The following FARP1 variants were observed in gnomAD, a reference collection of about 807,000 sequenced individuals.
FARP1 encodes FERM, ARHGEF and pleckstrin domain-containing protein 1.
FARP1 carries 52 observed loss-of-function variants against 128.8 expected under a neutral mutation model. That is an observed-to-expected ratio of 0.40 (90% CI 0.32 to 0.51). The LOEUF is 0.51. Ranked by LOEUF, FARP1 falls within the 20% of genes least tolerant of loss-of-function variation. FARP1 has a pLI of 0.45. For missense variants in FARP1, 1,333 were observed against 1,367.9 expected (o/e 0.97, Z 0.40); for synonymous variants, 580 against 551.8 (o/e 1.05, Z -0.72).
intron 1 of FARP1, among the ~76,000 whole-genome samples, chr13:98,145,501 T>A (rs562147568): frequency 1.3e-5 from 2 of 152,342 alleles, no homozygotes; most frequent in East Asian, 3.9e-4. Context: ...TACTGGGTTA[T>A]TGCATTCACC....
At chr13:98,304,194 A>G (rs1021784187) in intron 2 of FARP1, among the ~76,000 whole-genome samples, 2 of 152,088 alleles carry the variant, frequency 1.3e-5, no homozygotes, top group African/African-American at 4.8e-5. Flanking sequence ...CTCCAGCAGA[A>G]GGGTCTGCTG....
Position 98,385,700 on chromosome 13 carries a change from C to G in FARP1, c.645C>G (p.Leu215=). Residue 215 remains leucine, a synonymous_variant, in exon 8 of 27, where the codon CTC becomes CTG. Coordinates refer to ENST00000319562, the MANE Select transcript of FARP1 (RefSeq NM_005766.4). ...CACCAGCAGAATCAGATTTCCAGCT[C>G]CTAGAGATTGCCCGTCGGCTAGAGA... ...GQTPAESDFQ[L]LEIARRLEMY... is the part of the protein sequence containing the mutation. The G allele has an allele frequency of 6.2e-7, 1 of 1,614,196 alleles. No individual in the cohort carries two copies. Among genetic ancestry groups the G allele is most frequent in the Non-Finnish European group, 8.5e-7 (1 of 1,180,036 alleles).
At chr13:98,209,120 TGCCTCA>T (rs1880492026) in intron 1 of FARP1, among the ~76,000 whole-genome samples, 1 of 152,188 alleles carries the variant, frequency 6.6e-6, no homozygotes, top group Admixed American at 6.5e-5. Flanking sequence ...GCCATTCTCC[TGCCTCA>T]GCCTCCCGAG....
At chr13:98,361,874 G>T (rs371357601) in intron 3 of FARP1, among the ~76,000 whole-genome samples, 1 of 152,074 alleles carries the variant, frequency 6.6e-6, no homozygotes, top group East Asian at 1.9e-4. Context: ...CTCTGTGTTC[G>T]CATCATCTCA....
chr13:98,262,678 G>A (rs1024119137), intron 2 of FARP1, among the ~76,000 whole-genome samples: 1 of 152,194 alleles, frequency 6.6e-6, no homozygotes, highest in African/African-American at 2.4e-5. Context: ...ATGTGTTAAA[G>A]TGAGGTTTTG....
At position 98,176,688 on chromosome 13, in the gene FARP1, C is replaced by T. The variant is rs761633108; in HGVS notation, c.-24+33196C>T. The T allele has an allele frequency of 1.2e-6, 2 of 1,614,204 alleles. No homozygotes were observed. Among genetic ancestry groups the T allele is most frequent in the Admixed American group, 1.7e-5 (1 of 60,020 alleles). Reference sequence around the variant, plus strand: ...GGTAATCCCAGCGCACAGTGGCGCGCAGATGCCCTGGCGCACGTATGGGGC... The same window carrying T: ...GGTAATCCCAGCGCACAGTGGCGCGTAGATGCCCTGGCGCACGTATGGGGC... On this transcript the variant is annotated intron_variant, in intron 1 of 26. Transcript: ENST00000319562. The surrounding 1 kb of genome is among the most constrained non-coding windows in gnomAD (Gnocchi z 6.2).
intron 9 of FARP1, among the ~76,000 whole-genome samples, chr13:98,388,865 A>G (rs1890200129): frequency 6.6e-6 from 1 of 152,146 alleles, no homozygotes; most frequent in Non-Finnish European, 1.5e-5. Context: ...GACTTCCCCA[A>G]TCCCTGCTGG....
chr13:98,208,998 C>A (rs187645824), intron 1 of FARP1, among the ~76,000 whole-genome samples: 66 of 152,154 alleles, frequency 4.3e-4, no homozygotes, highest in African/African-American at 1.5e-3. Flanking sequence ...TAACACTTTC[C>A]TGAGTTTTGT....
At chr13:98,150,806 A>G (rs1216490956) in intron 1 of FARP1, among the ~76,000 whole-genome samples, 1 of 152,196 alleles carries the variant, frequency 6.6e-6, no homozygotes, top group East Asian at 1.9e-4. Context: ...AATATAAGCA[A>G]AAAAGTGTTT....
intron 17 of FARP1, among the ~76,000 whole-genome samples, 167 bp downstream of exon 17, chr13:98,424,817 G>A (rs542977919): frequency 2.6e-5 from 4 of 152,170 alleles, no homozygotes; most frequent in Non-Finnish European, 5.9e-5. Flanking sequence ...AGCCCAGGAC[G>A]GCTTTGAATG....
chr13:98,330,025 A>G (rs983819188), intron 2 of FARP1: 2 of 152,356 alleles, frequency 1.3e-5, no homozygotes, highest in Non-Finnish European at 2.9e-5. Context: ...TAGGGTAGTC[A>G]GGGTCGGCAC....
intron 2 of FARP1, among the ~76,000 whole-genome samples, chr13:98,311,273 A>G (rs940872113): frequency 2.6e-5 from 4 of 152,184 alleles, no homozygotes; most frequent in East Asian, 3.8e-4. Context: ...GATCAGTACT[A>G]TGTCAAAGTC....
chr13:98,377,626 A>G (rs1051672189), intron 5 of FARP1, among the ~76,000 whole-genome samples, 195 bp from the exon 6 acceptor site: 1 of 152,306 alleles, frequency 6.6e-6, no homozygotes, highest in Non-Finnish European at 1.5e-5. Context: ...CTGTGAAAAG[A>G]TGATAGCATA....
At position 98,248,163 on chromosome 13, in the gene FARP1, A is replaced by G. The variant is rs141167677; in HGVS notation, c.171+34750A>G. ...CAACTCTAATGAGAGAAATGGGCCA[A>G]TGACACCTCTGTCTAATATCTGGCA... is the stretch of plus-strand genomic sequence containing the variant. On this transcript the variant is annotated intron_variant, in intron 2 of 26. Transcript: ENST00000319562. 7.6e-4 allele frequency among the ~76,000 whole-genome samples: 115 copies of G among 152,314 alleles called. 1 individual carries two copies. The East Asian group carries it at 0.018, about 23-fold the overall frequency.
At chr13:98,155,413 C>A (rs1260766184) in intron 1 of FARP1, among the ~76,000 whole-genome samples, 1 of 151,206 alleles carries the variant, frequency 6.6e-6, no homozygotes, top group Non-Finnish European at 1.5e-5. Flanking sequence ...CCGATAAGCT[C>A]CTTAGGCGGG....
At chr13:98,395,997 T>C (rs1435592191) in intron 13 of FARP1, 6 of 398,934 alleles carry the variant, frequency 1.5e-5, no homozygotes, top group African/African-American at 1.2e-4. Context: ...CGGACCAGGG[T>C]CCTCCTTATG....
At chr13:98,151,913 C>T (rs961162252) in intron 1 of FARP1, among the ~76,000 whole-genome samples, 9 of 152,062 alleles carry the variant, frequency 5.9e-5, no homozygotes, top group East Asian at 1.9e-4. Flanking sequence ...CTGTCCACCT[C>T]GGCCTCCCAA....
rs141875911 is a variant in FARP1 at position 98,453,675 on chromosome 13, G to A, written c.*5358G>A. On this transcript the variant is annotated 3_prime_UTR_variant, in exon 27 of 27. Transcript: ENST00000319562. ...AAATATGGTCCAAAGCAGGAACAAC[G>A]TGTCTGCACAAAGATGTCTCTCGGG... 5.2e-4 allele frequency: 80 copies of A among 153,902 alleles called. No individual in the cohort carries two copies. Among genetic ancestry groups the A allele is most frequent in the Admixed American group, 9.7e-4 (15 of 15,432 alleles). The allele number at this position is 153,902 out of a possible 1,614,324, so 9.5% of individuals were successfully genotyped here. A position where few individuals can be genotyped will look rare whatever the true frequency, so the allele number is the denominator to read the frequency against.
At chr13:98,377,538 A>G (rs1889645646) in intron 5 of FARP1, among the ~76,000 whole-genome samples, 1 of 152,164 alleles carries the variant, frequency 6.6e-6, no homozygotes, top group African/African-American at 2.4e-5. Flanking sequence ...ACGCTACAAA[A>G]ATATATAGCA....
Sources: allele counts gnomAD v4.1 joint callset (sites outside exome capture counted in the v4.1 genomes callset), GRCh38; gene constraint gnomAD v4.1.1; non-coding constraint Gnocchi (gnomAD v3.1); transcripts MANE v1.5; gene names NCBI Gene and HGNC (gene_info 2026-07-23, HGNC 2026-07-21).